The following VPS13C variants were observed in gnomAD, a reference collection of about 807,000 sequenced individuals.
VPS13C encodes the protein vacuolar protein sorting 13 homolog C, also known as intermembrane lipid transfer protein VPS13C.
Under a neutral mutation model 456.8 loss-of-function variants are expected in VPS13C, and 358 were observed. That is an observed-to-expected ratio of 0.78 (90% CI 0.72 to 0.86). VPS13C has a LOEUF of 0.86. Among genes scored for constraint, VPS13C ranks in the 40% least tolerant of loss-of-function variants. The pLI, the probability that VPS13C is intolerant of heterozygous loss-of-function variation, is 0.00. For synonymous variants in VPS13C, 1,578 were observed against 1,486.7 expected, an observed-to-expected ratio of 1.06 and a Z score of -1.41; for missense variants, 4,818 against 4,385.4, an observed-to-expected ratio of 1.10 and a Z score of -2.79.
chr15:61,871,573 T>A (rs1283179140), intron 79 of VPS13C, among the ~76,000 whole-genome samples: 1 of 152,122 alleles, frequency 6.6e-6, no homozygotes, highest in African/African-American at 2.4e-5. Flanking sequence ...TCAAGACTTT[T>A]TTTTTGGCTA....
chr15:62,049,744 T>G (rs1049007637), intron 1 of VPS13C, among the ~76,000 whole-genome samples: 2 of 152,192 alleles, frequency 1.3e-5, no homozygotes, highest in Non-Finnish European at 2.9e-5. Context: ...GCATGGAATG[T>G]TCTTCCATTT....
Position 61,977,312 on chromosome 15 carries a change from A to G in VPS13C, c.2291-113T>C, listed in dbSNP as rs550434712. 12 of 654,988 alleles carry G rather than the reference A, an allele frequency of 1.8e-5. No individual in the cohort carries two copies. The African/African-American group carries it at 2.3e-4, about 13-fold the overall frequency. 40.6% of individuals were successfully genotyped at this position (654,988 alleles called of 1,614,324 possible). On this transcript the variant is annotated intron_variant, in intron 23 of 84. Transcript: ENST00000644861. ...TAAATTGTCAGACATTCTATGGAAA[A>G]TCACTATAAATTAATCCAGAATCAA...
intron 40 of VPS13C, among the ~76,000 whole-genome samples, chr15:61,950,743 G>A (rs2044760136): frequency 6.6e-6 from 1 of 151,946 alleles, no homozygotes; most frequent in East Asian, 1.9e-4. Flanking sequence ...GGAACTTTAG[G>A]TTATTACCAT....
chr15:62,000,350 G>C (rs1437726300), intron 16 of VPS13C, among the ~76,000 whole-genome samples: 1 of 152,004 alleles, frequency 6.6e-6, no homozygotes, highest in Non-Finnish European at 1.5e-5. Flanking sequence ...GGGAGACAGA[G>C]CAAGACTCCA....
Position 61,929,742 on chromosome 15 carries a change from A to T in VPS13C, c.6045T>A (p.Ile2015=). 6.2e-7 allele frequency: 1 copy of T among 1,608,410 alleles called. No homozygotes were observed. Among genetic ancestry groups the T allele is most frequent in the Non-Finnish European group, 8.5e-7 (1 of 1,176,234 alleles). ...TGTTATCTTGGTCATTCTTTCTGTC[A>T]ATCATTCTGAAAAAAAACATGCTAT... The part of the protein sequence containing the change: ...EGIERATSRM[I]DRKNDQDNNS... The change falls in exon 51 of 85, where the codon ATT becomes ATA. Residue 2015 remains isoleucine (I), a synonymous_variant. Coordinates refer to ENST00000644861, the MANE Select transcript of VPS13C (RefSeq NM_020821.3).
chr15:61,934,723 T>A (rs973432440), intron 48 of VPS13C, among the ~76,000 whole-genome samples: 1 of 152,142 alleles, frequency 6.6e-6, no homozygotes, highest in African/African-American at 2.4e-5. Context: ...GCTAGACTAA[T>A]GCACCTCTCA....
chr15:61,950,435 T>C lies in VPS13C; in HGVS notation c.4537-18A>G. 6.3e-7 allele frequency: 1 copy of C among 1,588,780 alleles called. No individual in the cohort carries two copies. Among genetic ancestry groups the C allele is most frequent in the Non-Finnish European group, 8.6e-7 (1 of 1,158,646 alleles). ...CTGTCTGCCTACAAATAGTGGAGAA[T>C]TACACCACTGAGTTTCAAACACTAA... is the stretch of plus-strand genomic sequence containing the variant. On this transcript the variant is annotated intron_variant, in intron 40 of 84. Transcript: ENST00000644861.
At chr15:61,951,791 G>C in intron 39 of VPS13C, 33 bp downstream of exon 39, 1 of 1,573,040 alleles carries the variant, frequency 6.4e-7, no homozygotes, top group Non-Finnish European at 8.6e-7. Flanking sequence ...TCTGCCTAAT[G>C]AATAATTTAC....
rs569077561 is a variant in VPS13C at position 61,937,918 on chromosome 15, T to C, written c.5602-1168A>G. On this transcript the variant is annotated intron_variant, in intron 47 of 84. Coordinates refer to ENST00000644861, the MANE Select transcript of VPS13C (RefSeq NM_020821.3). The stretch of plus-strand genomic sequence containing the variant: ...TCCTTCTACCTTATGTAAGACACAG[T>C]GGCTCCAAAGGCCTGTTTCAAGTAC... Among the ~76,000 whole-genome samples the C allele has an allele frequency of 1.9e-4, 29 of 152,314 alleles. No individual in the cohort carries two copies. The East Asian group carries it at 5.6e-3, about 29-fold the overall frequency.
intron 26 of VPS13C, 134 bp downstream of exon 26, chr15:61,973,320 T>G (rs1354193519): frequency 6.0e-6 from 4 of 670,554 alleles, no homozygotes; most frequent in Non-Finnish European, 1.0e-5. Context: ...GTCACACTAA[T>G]GTAGCACAAC....
rs570589792 is a variant in VPS13C, at chr15:62,044,181, G to C, written c.144+31C>G. 1.2e-4 allele frequency: 170 copies of C among 1,423,682 alleles called. 7 individuals are homozygous for C. The South Asian group carries it at 1.9e-3, about 16-fold the overall frequency. 88.2% of individuals were successfully genotyped at this position (1,423,682 alleles called of 1,614,324 possible). A position where few individuals can be genotyped will look rare whatever the true frequency, so the allele number is the denominator to read the frequency against. On this transcript the variant is annotated intron_variant, in intron 2 of 84. Transcript: ENST00000644861. ...TTTCTAAGAACTTACCAAATTAAGT[G>C]AGTTATTAGCATAGTTTAAAAAAAA...
intron 45 of VPS13C, among the ~76,000 whole-genome samples, chr15:61,942,842 T>A (rs781348519): frequency 1.1e-4 from 17 of 152,178 alleles, no homozygotes; most frequent in Non-Finnish European, 1.3e-4. Flanking sequence ...TTTTAAGGAA[T>A]CATGAGATTC....
In VPS13C at chr15:62,007,162, A is replaced by T. The variant is rs1266483477; in HGVS notation, c.1290+146T>A. 12 of 733,294 alleles carry T rather than the reference A, an allele frequency of 1.6e-5. 1 individual carries two copies. Among genetic ancestry groups the T allele is most frequent in the Non-Finnish European group, 2.1e-5 (11 of 530,008 alleles). The allele number at this position is 733,294 out of a possible 1,614,324, so 45.4% of individuals were successfully genotyped here. A position where few individuals can be genotyped will look rare whatever the true frequency, so the allele number is the denominator to read the frequency against. ...AAAGAAGAAAAACTGGAAAAAAAAA[A>T]TTCTGCATTTTCCCACATAATTCTC... On this transcript the variant is annotated intron_variant, in intron 15 of 84. Coordinates refer to ENST00000644861, the MANE Select transcript of VPS13C (RefSeq NM_020821.3).
intron 69 of VPS13C, among the ~76,000 whole-genome samples, chr15:61,882,082 T>A (rs1241211986): frequency 6.6e-6 from 1 of 152,172 alleles, no homozygotes; most frequent in Admixed American, 6.6e-5. Flanking sequence ...TTAATGAAAA[T>A]ACTTGTATCT....
intron 6 of VPS13C, among the ~76,000 whole-genome samples, chr15:62,027,716 G>C (rs938643747): frequency 6.6e-6 from 1 of 152,014 alleles, no homozygotes; most frequent in Non-Finnish European, 1.5e-5. Context: ...ATAAGATTAT[G>C]TAAAATACTA....
intron 53 of VPS13C, among the ~76,000 whole-genome samples, chr15:61,922,986 G>T (rs1255700658): frequency 6.6e-6 from 1 of 152,056 alleles, no homozygotes; most frequent in Non-Finnish European, 1.5e-5. Context: ...ATGCAACACT[G>T]ACTTCTACTC....
In VPS13C at chr15:61,881,582, T is replaced by C. The variant is rs747995041; in HGVS notation, c.9757A>G (p.Ser3253Gly). 9.9e-6 allele frequency: 16 copies of C among 1,612,142 alleles called. No individual in the cohort carries two copies. The highest frequency in any genetic ancestry group is 2.7e-5 in the African/African-American group (2 of 74,820). The part of the protein sequence containing the change: ...VSVITRFNEY[S>G]KVLQFKYFMV... ...ACTTACTTGAACTGTAAGACTTTAC[T>C]GTACTCATTAAATCTTGTGATGACA... Residue 3253 changes from serine (S) to glycine (G), a missense_variant, in exon 71 of 85, where the codon AGT becomes GGT. Physicochemically the swap from Ser to Gly is moderately conservative, Grantham distance 56. Coordinates refer to ENST00000644861, the MANE Select transcript of VPS13C (RefSeq NM_020821.3).
chr15:62,054,981 C>T (rs2048740139), intron 1 of VPS13C, among the ~76,000 whole-genome samples: 1 of 152,110 alleles, frequency 6.6e-6, no homozygotes, highest in African/African-American at 2.4e-5. Context: ...AAATGTTTTG[C>T]CCAGGGTCCC....
At chr15:62,012,765 A>T (rs2047092114) in intron 11 of VPS13C, among the ~76,000 whole-genome samples, 1 of 151,920 alleles carries the variant, frequency 6.6e-6, no homozygotes, top group Admixed American at 6.6e-5. Context: ...ATGTCATCAA[A>T]ATGAGAATGT....
Sources: gnomAD v4.1 joint callset for allele counts (sites outside exome capture counted in the v4.1 genomes callset) on GRCh38, gnomAD v4.1.1 for gene constraint, MANE v1.5 for transcripts, NCBI Gene and HGNC (gene_info 2026-07-23, HGNC 2026-07-21) for gene names.